SNTG2: variants seen among roughly 807,000 people sequenced by gnomAD.
SNTG2 encodes gamma-2-syntrophin.
SNTG2 carries 74 observed loss-of-function variants against 70.9 expected under a neutral mutation model. The ratio of observed to expected loss-of-function variants is 1.04; its 90% confidence interval spans 0.86 to 1.27. The LOEUF is 1.27. Ranked by LOEUF, SNTG2 falls within the 50% of genes most tolerant of loss-of-function variation. SNTG2 has a pLI of 0.00. For missense variants in SNTG2, 717 were observed against 690.7 expected (o/e 1.04, Z -0.43); for synonymous variants, 278 against 273.8 (o/e 1.02, Z -0.15).
At chr2:1,246,851 A>ATC (rs764312249) in intron 11 of SNTG2, among the ~76,000 whole-genome samples, 2 of 152,226 alleles carry the variant, frequency 1.3e-5, no homozygotes, top group Non-Finnish European at 2.9e-5. Context: ...CATTGTAAGA[A>ATC]TCTAATATTT....
At chr2:1,073,514 A>G (rs1417693730) in intron 1 of SNTG2, among the ~76,000 whole-genome samples, 1 of 152,250 alleles carries the variant, frequency 6.6e-6, no homozygotes, top group African/African-American at 2.4e-5. Flanking sequence ...AGACTACAGT[A>G]TACTGTAAAC....
chr2:1,028,851 A>G (rs1222569270), intron 1 of SNTG2, among the ~76,000 whole-genome samples: 1 of 151,110 alleles, frequency 6.6e-6, no homozygotes, highest in Non-Finnish European at 1.5e-5. Flanking sequence ...TTTTTGTGCT[A>G]TATTACACGC....
At chr2:1,063,613 A>T (rs1662964374) in intron 1 of SNTG2, among the ~76,000 whole-genome samples, 1 of 152,230 alleles carries the variant, frequency 6.6e-6, no homozygotes, top group Non-Finnish European at 1.5e-5. Context: ...AACAGAAAGT[A>T]CAAACAATTC....
chr2:1,296,211 C>T (rs1680207854), intron 14 of SNTG2, among the ~76,000 whole-genome samples: 1 of 152,240 alleles, frequency 6.6e-6, no homozygotes, highest in South Asian at 2.1e-4. Context: ...TAATGCTGAT[C>T]TACTCATCCT....
At chr2:1,137,517 CGTGG>C in intron 4 of SNTG2, 101 bp from the exon 5 acceptor site, 36 of 1,179,576 alleles carry the variant, frequency 3.1e-5, no homozygotes, top group Non-Finnish European at 3.7e-5. Context: ...CACACACACA[CGTGG>C]CCACTTCAGC....
At chr2:1,159,157 G>A (rs968785836) in intron 6 of SNTG2, among the ~76,000 whole-genome samples, 1 of 150,522 alleles carries the variant, frequency 6.6e-6, no homozygotes, top group Admixed American at 6.6e-5. Context: ...GGGGGGGTGT[G>A]TGAGTGCATG....
intron 12 of SNTG2, among the ~76,000 whole-genome samples, chr2:1,250,463 G>C (rs952974928): frequency 2.0e-5 from 3 of 151,476 alleles, no homozygotes; most frequent in African/African-American, 7.3e-5. Flanking sequence ...GTCTCTCTCT[G>C]TCTGACTCTC....
At chr2:1,354,927 G>A (rs1307800467) in intron 16 of SNTG2, among the ~76,000 whole-genome samples, 3 of 152,214 alleles carry the variant, frequency 2.0e-5, no homozygotes, top group African/African-American at 4.8e-5. Flanking sequence ...TCTAAGAGCC[G>A]GGCGGAAGTT....
intron 16 of SNTG2, among the ~76,000 whole-genome samples, chr2:1,350,592 C>G (rs1037516810): frequency 2.6e-5 from 4 of 152,150 alleles, no homozygotes; most frequent in Non-Finnish European, 4.4e-5. Context: ...AGCACACTGT[C>G]ATTTGCTGGC....
intron 1 of SNTG2, among the ~76,000 whole-genome samples, chr2:1,077,516 C>T (rs774244712): frequency 1.3e-4 from 20 of 152,136 alleles, no homozygotes; most frequent in Middle Eastern, 3.2e-3. Flanking sequence ...ACAGGGTGCT[C>T]GTGTTTCCTC....
In SNTG2 at chr2:1,070,987, G is replaced by T. The variant is rs540998101; in HGVS notation, c.73-12531G>T. Among the ~76,000 whole-genome samples, 127 of 152,200 alleles carry T rather than the reference G, an allele frequency of 8.3e-4. 1 individual carries two copies. The highest frequency in any genetic ancestry group is 3.0e-3 in the African/African-American group (123 of 41,544). ...AAATGACATTTTGTGTCACTGGGGG[G>T]TGGCCACATTCAATGCGTTGGCAAT... is the stretch of plus-strand genomic sequence containing the variant. On this transcript the variant is annotated intron_variant, in intron 1 of 16. Transcript: ENST00000308624.
At chr2:1,170,729 G>A (rs1212358518) in intron 7 of SNTG2, among the ~76,000 whole-genome samples, 2 of 152,138 alleles carry the variant, frequency 1.3e-5, no homozygotes, top group Non-Finnish European at 1.5e-5. Flanking sequence ...CCCTTTGTAT[G>A]GGTTTTGTTT....
chr2:1,360,717 G>A (rs1054466597), intron 16 of SNTG2, among the ~76,000 whole-genome samples: 6 of 151,760 alleles, frequency 4.0e-5, no homozygotes, highest in East Asian at 1.9e-4. Flanking sequence ...GCAAACATAC[G>A]GTGTCTGATT....
intron 9 of SNTG2, among the ~76,000 whole-genome samples, chr2:1,222,130 T>TGC (rs1301914987): frequency 9.3e-6 from 1 of 108,030 alleles, no homozygotes; most frequent in Non-Finnish European, 2.0e-5. Context: ...TCTCTGTCTC[T>TGC]CTCTGTCTCT....
At chr2:1,235,805 G>A (rs1247906936) in intron 9 of SNTG2, among the ~76,000 whole-genome samples, 2 of 152,248 alleles carry the variant, frequency 1.3e-5, no homozygotes, top group African/African-American at 4.8e-5. Context: ...AAAGCGTAGA[G>A]CTCTGAGATG....
intron 14 of SNTG2, among the ~76,000 whole-genome samples, chr2:1,272,480 A>AAAAAT (rs1679077051): frequency 6.6e-6 from 1 of 151,932 alleles, no homozygotes; most frequent in South Asian, 2.1e-4. Context: ...AAAAAAAAAA[A>AAAAAT]AAAAAGGATT....
In SNTG2 at chr2:1,267,748, AAAT is replaced by A. The variant is rs1290168145; in HGVS notation, c.1284+179_1284+181del. On this transcript the variant is annotated intron_variant, in intron 14 of 16. Transcript: ENST00000308624. ...GCACGGAGTCATGCGCTCCGTGGAT[AAAT>A]ATGAGCTGTAGTGGAAGGGAAGGGG... Among the ~76,000 whole-genome samples, 53 of 75,194 alleles carry A rather than the reference AAAT, an allele frequency of 7.0e-4. No homozygotes were observed. The South Asian group carries it at 0.014, about 20-fold the overall frequency. The allele number at this position is 75,194 out of a possible 152,430, so 49.3% of individuals were successfully genotyped here. A position where few individuals can be genotyped will look rare whatever the true frequency, so the allele number is the denominator to read the frequency against.
At chr2:1,088,540 A>G (rs931112743) in intron 2 of SNTG2, among the ~76,000 whole-genome samples, 6 of 152,160 alleles carry the variant, frequency 3.9e-5, no homozygotes, top group African/African-American at 1.4e-4. Flanking sequence ...ATGTTTACAA[A>G]TGGAATACTG....
chr2:987,169 C>T (rs887835958), intron 1 of SNTG2, among the ~76,000 whole-genome samples: 44 of 152,140 alleles, frequency 2.9e-4, no homozygotes, highest in South Asian at 2.1e-4. Context: ...AGTCAGGTCC[C>T]GGAAACGCTG....
Sources: gnomAD v4.1 joint callset for allele counts (sites outside exome capture counted in the v4.1 genomes callset) on GRCh38, gnomAD v4.1.1 for gene constraint, MANE v1.5 for transcripts, NCBI Gene and HGNC (gene_info 2026-07-23, HGNC 2026-07-21) for gene names.